KBTBD11: variants seen among roughly 807,000 people sequenced by gnomAD.
KBTBD11 encodes the protein kelch repeat and BTB domain containing 11.
For synonymous variants in KBTBD11, 747 were observed against 499.0 expected (o/e 1.50, Z -6.63); for missense variants, 1,390 against 1,001.8 (o/e 1.39, Z -5.23).
At chr8:1,999,517 G>A (rs1031900879) in intron 1 of KBTBD11, among the ~76,000 whole-genome samples, 4 of 152,310 alleles carry the variant, frequency 2.6e-5, no homozygotes, top group South Asian at 2.1e-4. Context: ...TCCGTGAAGC[G>A]TTTGCCAATT....
intron 1 of KBTBD11, among the ~76,000 whole-genome samples, chr8:1,980,974 T>C (rs1435500744): frequency 6.6e-6 from 1 of 152,208 alleles, no homozygotes; most frequent in Non-Finnish European, 1.5e-5. Flanking sequence ...GCTTGTTTCA[T>C]ATGTCTGGCA....
Position 2,006,049 on chromosome 8 carries a change from G to A in KBTBD11, c.*2985G>A, listed in dbSNP as rs1817563439. On this transcript the variant is annotated 3_prime_UTR_variant, in exon 2 of 2. Transcript: ENST00000320248. ...TGGAACTTCGGGATTTGGTTTCTGA[G>A]TCTGTGGAGGCACCGACTTCTGCTG... 6.0e-6 allele frequency: 1 copy of A among 167,098 alleles called. No individual in the cohort carries two copies. The highest frequency in any genetic ancestry group is 1.5e-5 in the Non-Finnish European group (1 of 68,136). 10.4% of individuals were successfully genotyped at this position (167,098 alleles called of 1,614,324 possible).
rs1817427172 is a variant in KBTBD11, at chr8:2,002,588, C to G, written c.1396C>G (p.Leu466Val). 5.0e-6 allele frequency: 8 copies of G among 1,584,394 alleles called. No individual in the cohort carries two copies. Among genetic ancestry groups the G allele is most frequent in the Non-Finnish European group, 5.1e-6 (6 of 1,174,286 alleles). Residue 466 changes from leucine to valine, a missense_variant, in exon 2 of 2, where the codon CTC becomes GTC. Coordinates refer to ENST00000320248, the MANE Select transcript of KBTBD11 (RefSeq NM_014867.3). The surrounding 1 kb of genome is among the most constrained non-coding windows in gnomAD (Gnocchi z 4.1). ...HGEIYVSGGS[L>V]FYRLLKYDPR... The stretch of plus-strand genomic sequence containing the variant: ...CGAGATCTACGTGTCCGGGGGCTCC[C>G]TCTTCTATCGCCTGCTCAAGTATGA...
intron 1 of KBTBD11, among the ~76,000 whole-genome samples, chr8:1,978,479 G>C (rs1449111581): frequency 6.6e-6 from 1 of 152,214 alleles, no homozygotes; most frequent in Non-Finnish European, 1.5e-5. Context: ...CTGTCACTGT[G>C]TGACCGTCCA....
chr8:1,974,258 C>T (rs1015308564), intron 1 of KBTBD11: 3 of 975,306 alleles, frequency 3.1e-6, no homozygotes, highest in Non-Finnish European at 3.7e-6. Context: ...CTCGCGGGGT[C>T]TCCACAGGCC....
rs111751683 is a variant in KBTBD11, at chr8:1,986,211, A to G, written c.-909+12276A>G. Among the ~76,000 whole-genome samples the G allele has an allele frequency of 3.6e-4, 55 of 152,304 alleles. 1 individual carries two copies. Among genetic ancestry groups the G allele is most frequent in the African/African-American group, 1.2e-3 (49 of 41,556 alleles). ...ATTTTCCCTGGATCTAAAGCAGCCA[A>G]TGGTCATTGTTCCCCCATCACAAAG... On this transcript the variant is annotated intron_variant, in intron 1 of 1. Coordinates refer to ENST00000320248, the MANE Select transcript of KBTBD11 (RefSeq NM_014867.3).
intron 1 of KBTBD11, chr8:1,974,550 G>A (rs1255107149): frequency 8.1e-6 from 8 of 985,144 alleles, no homozygotes; most frequent in Non-Finnish European, 8.4e-6. Flanking sequence ...CGCTGCGCCC[G>A]GGGTGCGGGG....
At position 2,003,824 on chromosome 8, in the gene KBTBD11, C is replaced by T. The variant is rs577860666; in HGVS notation, c.*760C>T. 15 of 166,910 alleles carry T rather than the reference C, an allele frequency of 9.0e-5. No individual in the cohort carries two copies. The highest frequency in any genetic ancestry group is 2.2e-4 in the Non-Finnish European group (15 of 68,102). 10.3% of individuals were successfully genotyped at this position (166,910 alleles called of 1,614,324 possible). On this transcript the variant is annotated 3_prime_UTR_variant, in exon 2 of 2. Coordinates refer to ENST00000320248, the MANE Select transcript of KBTBD11 (RefSeq NM_014867.3). Reference sequence around the variant, plus strand: ...ATTTACCATTATTTAAATTTTAAGTCTTCAGTGGCTAAATGTGACCAAACA... The same window carrying T: ...ATTTACCATTATTTAAATTTTAAGTTTTCAGTGGCTAAATGTGACCAAACA...
rs376093479 is a variant in KBTBD11, at chr8:1,989,391, C to T, written c.-908-10894C>T. Among the ~76,000 whole-genome samples, 19 of 152,262 alleles carry T rather than the reference C, an allele frequency of 1.2e-4. No individual in the cohort carries two copies. The South Asian group carries it at 2.1e-3, about 17-fold the overall frequency. On this transcript the variant is annotated intron_variant, in intron 1 of 1. Transcript: ENST00000320248. ...AGCACAGGCTGTGTTATAACTAGAG[C>T]GAGGACAGGCGCCAGCGGCTCCCTG...
Position 2,005,842 on chromosome 8 carries a change from A to T in KBTBD11, c.*2778A>T, listed in dbSNP as rs1585771247. The T allele has an allele frequency of 6.0e-6, 1 of 167,082 alleles. No homozygotes were observed. The highest frequency in any genetic ancestry group is 1.5e-5 in the Non-Finnish European group (1 of 68,120). 10.3% of individuals were successfully genotyped at this position (167,082 alleles called of 1,614,324 possible). The stretch of plus-strand genomic sequence containing the variant: ...AGTGGTGTCTTTTGGGGAAAATGTT[A>T]TGCATGGAAGCCTGACCTTTTGCTT... On this transcript the variant is annotated 3_prime_UTR_variant, in exon 2 of 2. Transcript: ENST00000320248.
At chr8:1,979,078 A>ATGTG (rs1563361977) in intron 1 of KBTBD11, among the ~76,000 whole-genome samples, 4 of 151,606 alleles carry the variant, frequency 2.6e-5, no homozygotes, top group South Asian at 2.1e-4. Flanking sequence ...ATGTGTGTGC[A>ATGTG]TGTGTCTGCA....
Position 2,001,045 on chromosome 8 carries a change from C to G in KBTBD11, c.-148C>G. On this transcript the variant is annotated 5_prime_UTR_variant, in exon 2 of 2. Coordinates refer to ENST00000320248, the MANE Select transcript of KBTBD11 (RefSeq NM_014867.3). Reference sequence around the variant, plus strand: ...GAGATTCCCCCCTTCACACACACAACAACAAAGCGTGGACACACAGAAGTG... The same window carrying G: ...GAGATTCCCCCCTTCACACACACAAGAACAAAGCGTGGACACACAGAAGTG... 1 of 1,121,028 alleles carries G rather than the reference C, an allele frequency of 8.9e-7. No individual in the cohort carries two copies. The highest frequency in any genetic ancestry group is 1.1e-6 in the Non-Finnish European group (1 of 880,542). 69.4% of individuals were successfully genotyped at this position (1,121,028 alleles called of 1,614,324 possible).
intron 1 of KBTBD11, among the ~76,000 whole-genome samples, chr8:1,993,954 C>A (rs919692326): frequency 6.6e-6 from 1 of 151,226 alleles, no homozygotes; most frequent in African/African-American, 2.4e-5. Context: ...CACACACACA[C>A]ACACAAAACC....
rs1377154705 is a variant in KBTBD11 at position 2,001,723 on chromosome 8, G to A, written c.531G>A (p.Gln177=). The A allele has an allele frequency of 5.7e-6, 8 of 1,410,844 alleles. No homozygotes were observed. The African/African-American group carries it at 6.0e-5, about 11-fold the overall frequency. 87.4% of individuals were successfully genotyped at this position (1,410,844 alleles called of 1,614,324 possible). Reference sequence around the variant, plus strand: ...CGTCGCGGGACGTGCTGCGGGTGCAGGGAGTGAGCCTGACGGCGCTGCGGC... The same window carrying A: ...CGTCGCGGGACGTGCTGCGGGTGCAAGGAGTGAGCCTGACGGCGCTGCGGC... The part of the protein sequence containing the change: ...ARASRDVLRV[Q]GVSLTALRLL... Residue 177 remains glutamine, a synonymous_variant, in exon 2 of 2, where the codon CAG becomes CAA. Transcript: ENST00000320248.
At chr8:1,984,311 CAG>C (rs1469213537) in intron 1 of KBTBD11, among the ~76,000 whole-genome samples, 1 of 101,126 alleles carries the variant, frequency 9.9e-6, no homozygotes, top group East Asian at 3.1e-4. Context: ...TTTTTTGAGA[CAG>C]AGTCTTGCAC....
intron 1 of KBTBD11, among the ~76,000 whole-genome samples, chr8:1,982,831 C>T (rs961390548): frequency 1.3e-5 from 2 of 151,948 alleles, no homozygotes; most frequent in African/African-American, 4.8e-5. Context: ...CAACTTCCAC[C>T]TCCCAGGTTT....
rs111233632 is a variant in KBTBD11 at position 1,990,334 on chromosome 8, T to C, written c.-908-9951T>C. Among the ~76,000 whole-genome samples, 372 of 134,036 alleles carry C rather than the reference T, an allele frequency of 2.8e-3. 4 individuals are homozygous for C. Among genetic ancestry groups the C allele is most frequent in the South Asian group, 0.022 (89 of 3,980 alleles). The allele number at this position is 134,036 out of a possible 152,430, so 87.9% of individuals were successfully genotyped here. A position where few individuals can be genotyped will look rare whatever the true frequency, so the allele number is the denominator to read the frequency against. ...GGGTACTGGGCCTTGGTGCCCTGTC[T>C]GGGTAGATGCTGGGCCTTGGCGCCC... is the stretch of plus-strand genomic sequence containing the variant. On this transcript the variant is annotated intron_variant, in intron 1 of 1. Transcript: ENST00000320248.
intron 1 of KBTBD11, among the ~76,000 whole-genome samples, chr8:1,985,776 G>T (rs774600788): frequency 6.6e-6 from 1 of 152,260 alleles, no homozygotes; most frequent in Non-Finnish European, 1.5e-5. Flanking sequence ...CTGGGTGACA[G>T]AGTGAGACCT....
intron 1 of KBTBD11, among the ~76,000 whole-genome samples, chr8:1,988,339 C>G (rs561020693): frequency 2.2e-4 from 33 of 152,324 alleles, no homozygotes; most frequent in African/African-American, 6.5e-4. Flanking sequence ...CTAGTTTACA[C>G]TCCCACCAAC....
Sources: gnomAD v4.1 joint callset for allele counts (sites outside exome capture counted in the v4.1 genomes callset) on GRCh38, gnomAD v4.1.1 for gene constraint, Gnocchi (gnomAD v3.1) non-coding constraint, MANE v1.5 for transcripts, NCBI Gene and HGNC (gene_info 2026-07-23, HGNC 2026-07-21) for gene names.